The following IQGAP2 variants were observed in gnomAD, a reference collection of about 807,000 sequenced individuals.
IQGAP2 encodes ras GTPase-activating-like protein IQGAP2.
IQGAP2 carries 173 observed loss-of-function variants against 201.3 expected under a neutral mutation model. The ratio of observed to expected loss-of-function variants is 0.86; its 90% CI spans 0.76 to 0.98. The LOEUF (loss-of-function observed/expected upper bound fraction) is 0.98, where lower values mean the gene tolerates loss of function less well. IQGAP2 is among the 50% of genes least tolerant of loss of function. The pLI is 0.00. For missense variants in IQGAP2, 1,687 were observed against 1,864.8 expected (o/e 0.90, Z 1.76); for synonymous variants, 675 against 673.9 (o/e 1.00, Z -0.03).
At chr5:76,660,712 T>A (rs530349982) in intron 21 of IQGAP2, among the ~76,000 whole-genome samples, 1 of 152,314 alleles carries the variant, frequency 6.6e-6, no homozygotes, top group East Asian at 1.9e-4. Flanking sequence ...AAACACCAGA[T>A]ATGTATCCAG....
At chr5:76,483,417 C>T (rs949370305) in intron 2 of IQGAP2, among the ~76,000 whole-genome samples, 49 of 152,302 alleles carry the variant, frequency 3.2e-4, no homozygotes, top group African/African-American at 1.1e-3. Context: ...ATACTTGGAG[C>T]AATATTGGCC....
intron 15 of IQGAP2, among the ~76,000 whole-genome samples, chr5:76,633,994 GA>G (rs1750916064): frequency 6.6e-6 from 1 of 151,612 alleles, no homozygotes; most frequent in African/African-American, 2.4e-5. Context: ...AGACTGCTAT[GA>G]ATATTCATGT....
At chr5:76,582,462 G>A (rs1389204181) in intron 5 of IQGAP2, among the ~76,000 whole-genome samples, 2 of 152,310 alleles carry the variant, frequency 1.3e-5, no homozygotes, top group African/African-American at 4.8e-5. Flanking sequence ...CCAGTTTTGG[G>A]ACCAGGATTC....
intron 2 of IQGAP2, among the ~76,000 whole-genome samples, chr5:76,509,701 C>G (rs1757840526): frequency 6.6e-6 from 1 of 151,880 alleles, no homozygotes; most frequent in South Asian, 2.1e-4. Context: ...GATTCCTTGT[C>G]CTTTTTAAAC....
chr5:76,460,588 G>C (rs999199495), intron 1 of IQGAP2, among the ~76,000 whole-genome samples: 1 of 152,296 alleles, frequency 6.6e-6, no homozygotes, highest in African/African-American at 2.4e-5. Flanking sequence ...CTGGACTCTC[G>C]CAATGGAGGT....
At chr5:76,643,149 T>G (rs1751729141) in intron 17 of IQGAP2, among the ~76,000 whole-genome samples, 1 of 152,370 alleles carries the variant, frequency 6.6e-6, no homozygotes, top group Non-Finnish European at 1.5e-5. Flanking sequence ...AATTTTATAC[T>G]GAAGCTGCTT....
intron 2 of IQGAP2, chr5:76,547,388 T>C: frequency 4.2e-6 from 4 of 945,276 alleles, no homozygotes; most frequent in Non-Finnish European, 5.0e-6. Context: ...CAATTCCATA[T>C]TGAATACTTG....
intron 1 of IQGAP2, chr5:76,441,387 C>T (rs764303672): frequency 4.8e-5 from 21 of 433,638 alleles, no homozygotes; most frequent in Admixed American, 1.9e-4. Context: ...TTTTACTTCC[C>T]GGAAGGAATC....
chr5:76,605,455 A>G (rs185260587), intron 11 of IQGAP2, among the ~76,000 whole-genome samples: 319 of 152,206 alleles, frequency 2.1e-3, no homozygotes, highest in African/African-American at 7.3e-3. Flanking sequence ...CAGCCTCCCA[A>G]ATTGCTGGGA....
At chr5:76,504,238 A>G (rs1026660782) in intron 2 of IQGAP2, among the ~76,000 whole-genome samples, 8 of 152,228 alleles carry the variant, frequency 5.3e-5, no homozygotes, top group African/African-American at 1.4e-4. Flanking sequence ...GCCACCTTCT[A>G]CTGTTCGACA....
rs1388519662 is a variant in IQGAP2, at chr5:76,707,872, A to G, written c.*559A>G. ...AATAACACTTTCTGTATAAAAGTAT[A>G]TATTTTATGTGATTTATTCCTACTA... On this transcript the variant is annotated 3_prime_UTR_variant, in exon 36 of 36. Transcript: ENST00000274364. 5.2e-5 allele frequency: 8 copies of G among 152,744 alleles called. No homozygotes were observed. The highest frequency in any genetic ancestry group is 1.9e-4 in the African/African-American group (8 of 41,464). 9.5% of individuals were successfully genotyped at this position (152,744 alleles called of 1,614,324 possible). A position where few individuals can be genotyped will look rare whatever the true frequency, so the allele number is the denominator to read the frequency against.
chr5:76,536,362 C>T (rs566897653), intron 2 of IQGAP2, among the ~76,000 whole-genome samples: 11 of 150,536 alleles, frequency 7.3e-5, no homozygotes, highest in African/African-American at 2.4e-4. Flanking sequence ...TGAGCTACCA[C>T]GCCTGGCTTC....
chr5:76,634,538 G>C (rs1244226577), intron 15 of IQGAP2, among the ~76,000 whole-genome samples: 1 of 152,120 alleles, frequency 6.6e-6, no homozygotes, highest in African/African-American at 2.4e-5. Context: ...GAGATTACAG[G>C]CATGAGCCAC....
At position 76,673,058 on chromosome 5, in the gene IQGAP2, T is replaced by G; in HGVS notation, c.3069-391T>G. ...TACCCTAAAACTTAAAGTATAATAATAATAAAATAAAAAATAATTAATTTA... is the reference window on the plus strand; with the variant it reads ...TACCCTAAAACTTAAAGTATAATAAGAATAAAATAAAAAATAATTAATTTA... On this transcript the variant is annotated intron_variant, in intron 24 of 35. Transcript: ENST00000274364. Among the ~76,000 whole-genome samples, 2 of 151,768 alleles carry G rather than the reference T, an allele frequency of 1.3e-5. 1 individual carries two copies. Among genetic ancestry groups the G allele is most frequent in the Non-Finnish European group, 2.9e-5 (2 of 67,952 alleles).
rs766298833 is a variant in IQGAP2 at position 76,693,468 on chromosome 5, A to G, written c.3993+26A>G. 6 of 1,372,662 alleles carry G rather than the reference A, an allele frequency of 4.4e-6. No individual in the cohort carries two copies. The Admixed American group carries it at 6.9e-5, about 16-fold the overall frequency. The allele number at this position is 1,372,662 out of a possible 1,614,324, so 85.0% of individuals were successfully genotyped here. Reference sequence around the variant, plus strand: ...GTAATTTGACTTTAAGTGTAAAATAATAATAGACAGGTGTTGATTTTCTTC... The same window carrying G: ...GTAATTTGACTTTAAGTGTAAAATAGTAATAGACAGGTGTTGATTTTCTTC... On this transcript the variant is annotated intron_variant, in intron 31 of 35. Transcript: ENST00000274364.
intron 2 of IQGAP2, among the ~76,000 whole-genome samples, chr5:76,479,260 C>T (rs552446854): frequency 1.6e-4 from 24 of 152,134 alleles, no homozygotes; most frequent in Admixed American, 7.9e-4. Flanking sequence ...CTGCCTTGCA[C>T]GGGGCCTGTG....
intron 2 of IQGAP2, among the ~76,000 whole-genome samples, chr5:76,544,419 A>T (rs1262108480): frequency 6.6e-6 from 1 of 152,110 alleles, no homozygotes; most frequent in Non-Finnish European, 1.5e-5. Flanking sequence ...GCCTAGGAGG[A>T]TATTCTGGGT....
chr5:76,592,807 C>T, intron 8 of IQGAP2, 31 bp from the exon 9 acceptor site: 1 of 1,374,730 alleles, frequency 7.3e-7, no homozygotes, highest in Non-Finnish European at 1.0e-6. Context: ...TTTATTTAAC[C>T]TCAGAAATCA....
chr5:76,663,375 A>G (rs978131802), intron 21 of IQGAP2, among the ~76,000 whole-genome samples: 1 of 149,946 alleles, frequency 6.7e-6, no homozygotes, highest in African/African-American at 2.5e-5. Flanking sequence ...CAAAAATCTG[A>G]AAAAAGTTTT....
Sources: gnomAD v4.1 joint callset for allele counts (sites outside exome capture counted in the v4.1 genomes callset) on GRCh38, gnomAD v4.1.1 for gene constraint, MANE v1.5 for transcripts, NCBI Gene and HGNC (gene_info 2026-07-23, HGNC 2026-07-21) for gene names.